The following AOX1 variants were observed in gnomAD, a reference collection of about 807,000 sequenced individuals.
AOX1 encodes the protein aldehyde oxidase.
AOX1 carries 153 observed loss-of-function variants against 169.5 expected under a neutral mutation model. That is an observed-to-expected ratio of 0.90 (90% CI 0.79 to 1.03). The LOEUF (loss-of-function observed/expected upper bound fraction) is 1.03. Ranked by LOEUF, AOX1 falls within the 50% of genes least tolerant of loss-of-function variation. AOX1 has a pLI of 0.00. For synonymous variants in AOX1, 562 were observed against 581.9 expected, an observed-to-expected ratio of 0.97 and a Z score of 0.49; for missense variants, 1,656 against 1,663.9, an observed-to-expected ratio of 1.00 and a Z score of 0.08.
intron 25 of AOX1, among the ~76,000 whole-genome samples, chr2:200,650,053 A>G (rs1180956218): frequency 1.3e-5 from 2 of 152,094 alleles, no homozygotes; most frequent in African/African-American, 2.4e-5. Context: ...CAATTCATCT[A>G]CCAGCTTTCA....
chr2:200,664,896 G>C (rs1360936123), intron 31 of AOX1, among the ~76,000 whole-genome samples: 1 of 152,200 alleles, frequency 6.6e-6, no homozygotes, highest in South Asian at 2.1e-4. Flanking sequence ...TGAGGGGCTG[G>C]CCTCCGGGAG....
intron 19 of AOX1, among the ~76,000 whole-genome samples, chr2:200,626,601 A>G (rs2035011088): frequency 6.6e-6 from 1 of 152,230 alleles, no homozygotes; most frequent in African/African-American, 2.4e-5. Context: ...AGGGAGAGCC[A>G]ATAGGAGCTA....
chr2:200,602,497 C>G, intron 6 of AOX1, 152 bp downstream of exon 6: 1 of 699,088 alleles, frequency 1.4e-6, no homozygotes, highest in Non-Finnish European at 2.4e-6. Flanking sequence ...TGATCTTGAG[C>G]AGGGCACTTA....
intron 29 of AOX1, among the ~76,000 whole-genome samples, chr2:200,661,142 CAAAT>C (rs2035811144): frequency 6.6e-6 from 1 of 152,136 alleles, no homozygotes; most frequent in South Asian, 2.1e-4. Context: ...TCACCTGAAA[CAAAT>C]GTGTCCAGAA....
chr2:200,659,904 T>G (rs1402966336), intron 28 of AOX1, 91 bp from the exon 29 acceptor site: 1 of 994,750 alleles, frequency 1.0e-6, no homozygotes, highest in African/African-American at 1.6e-5. Context: ...CCCTCTTAGA[T>G]AAGCCTATGG....
In AOX1 at chr2:200,641,200, A is replaced by T; in HGVS notation, c.2655+16A>T. The stretch of plus-strand genomic sequence containing the variant: ...ATCATTATTCGTAAGTGTTTTAAGG[A>T]GCAAGTTCACATTCCTGAAAAGAGT... On this transcript the variant is annotated intron_variant, in intron 24 of 34. Transcript: ENST00000374700. 1 of 1,540,720 alleles carries T rather than the reference A, an allele frequency of 6.5e-7. No individual in the cohort carries two copies. The highest frequency in any genetic ancestry group is 9.0e-7 in the Non-Finnish European group (1 of 1,114,214).
intron 23 of AOX1, among the ~76,000 whole-genome samples, chr2:200,638,928 G>A (rs1202668087): frequency 6.6e-6 from 1 of 152,016 alleles, no homozygotes. Flanking sequence ...ATTGAGGGGG[G>A]AAAGGGGAGG....
intron 20 of AOX1, among the ~76,000 whole-genome samples, chr2:200,633,588 A>AT (rs2035171889): frequency 6.6e-6 from 1 of 151,318 alleles, no homozygotes; most frequent in African/African-American, 2.4e-5. Flanking sequence ...TGAGGTTTCT[A>AT]TTTTTTCATT....
chr2:200,597,503 C>T lies in AOX1; in HGVS notation c.307C>T (p.Gln103Ter), dbSNP rs1274954658. ...CACCCACACCAGAATTCATCCTGTT[C>T]AGGTGAGGATGTGCCTCTTCCTTAT... ...GSTHTRIHPV[Q>*]ERIAKCHGTQ... Residue 103 changes from glutamine to a stop codon, truncating the protein, a stop_gained and splice_region_variant, in exon 4 of 35, where the codon CAG becomes TAG. Coordinates refer to ENST00000374700, the MANE Select transcript of AOX1 (RefSeq NM_001159.4). LOFTEE classifies it high-confidence loss of function. The T allele has an allele frequency of 3.7e-6, 6 of 1,606,382 alleles. No individual in the cohort carries two copies. The South Asian group carries it at 6.7e-5, about 18-fold the overall frequency.
chr2:200,663,085 G>A (rs1004967879), intron 31 of AOX1, 116 bp downstream of exon 31: 1 of 734,158 alleles, frequency 1.4e-6, no homozygotes, highest in Non-Finnish European at 2.3e-6. Flanking sequence ...TGGCCTAAGG[G>A]TGATTTCCCT....
chr2:200,657,684 T>C (rs947085009), intron 27 of AOX1, among the ~76,000 whole-genome samples: 1 of 152,204 alleles, frequency 6.6e-6, no homozygotes, highest in Admixed American at 6.5e-5. Flanking sequence ...TCACCTTTGA[T>C]ATTTACAGTC....
chr2:200,613,856 G>A lies in AOX1; in HGVS notation c.1501G>A (p.Val501Ile). The change falls in exon 15 of 35, where the codon GTC (valine) becomes ATC (isoleucine). Residue 501 changes from valine (V) to isoleucine (I), a missense_variant. Transcript: ENST00000374700. ...AGCCTGCAGGCTTATTCTGAATGAA[G>A]TCTCCCTTTTGGGCTCGGCGCCAGG... ...DIACRLILNEVSLLGSAPGGK... is the reference protein window; with the variant it reads ...DIACRLILNEISLLGSAPGGK... 6.2e-7 allele frequency: 1 copy of A among 1,612,762 alleles called. No homozygotes were observed. The highest frequency in any genetic ancestry group is 8.5e-7 in the Non-Finnish European group (1 of 1,179,962).
At chr2:200,649,100 A>T (rs1391877784) in intron 25 of AOX1, among the ~76,000 whole-genome samples, 1 of 152,110 alleles carries the variant, frequency 6.6e-6, no homozygotes, top group East Asian at 1.9e-4. Context: ...AGCTCTGACC[A>T]GGAGGCTTCT....
chr2:200,624,118 C>A, intron 19 of AOX1, 135 bp downstream of exon 19: 1 of 1,035,604 alleles, frequency 9.7e-7, no homozygotes, highest in Non-Finnish European at 1.4e-6. Context: ...AACCTCTAAC[C>A]AGTCTCAGTA....
intron 5 of AOX1, among the ~76,000 whole-genome samples, chr2:200,600,438 C>T (rs148137549): frequency 1.3e-4 from 20 of 151,360 alleles, no homozygotes; most frequent in African/African-American, 4.6e-4. Context: ...CACCCTAGAG[C>T]GTTTTTGTCA....
At chr2:200,586,192 G>T (rs1451354074) in intron 1 of AOX1, 39 bp downstream of exon 1, 2 of 1,533,248 alleles carry the variant, frequency 1.3e-6, no homozygotes, top group Non-Finnish European at 1.8e-6. Context: ...CAGACCTGCG[G>T]CCAGGGCCGG....
Position 200,671,300 on chromosome 2 carries a change from G to C in AOX1, c.*621G>C, listed in dbSNP as rs1174514375. The C allele has an allele frequency of 2.0e-5, 3 of 152,140 alleles. No homozygotes were observed. The highest frequency in any genetic ancestry group is 7.2e-5 in the African/African-American group (3 of 41,430). 9.4% of individuals were successfully genotyped at this position (152,140 alleles called of 1,614,324 possible). On this transcript the variant is annotated 3_prime_UTR_variant, in exon 35 of 35. Coordinates refer to ENST00000374700, the MANE Select transcript of AOX1 (RefSeq NM_001159.4). ...ATATTTGATAAAAGTCTTGTAACCA[G>C]ATACATAAAGAGCTCTTACAACTCA...
chr2:200,604,709 AACAGTC>A lies in AOX1; in HGVS notation c.684_689del (p.Ser230_Gln231del). On this transcript the variant is annotated inframe_deletion, in exon 9 of 35. Transcript: ENST00000374700. ...CTTTTTCAATAGATAATGGCTGAGAAACAGTCGCAAAGGACCAGGGTGTTTGGCAGT... is the reference window on the plus strand; with the variant it reads ...CTTTTTCAATAGATAATGGCTGAGAAGCAAAGGACCAGGGTGTTTGGCAGT... 5.6e-6 allele frequency: 9 copies of A among 1,614,122 alleles called. No individual in the cohort carries two copies. The highest frequency in any genetic ancestry group is 7.6e-6 in the Non-Finnish European group (9 of 1,180,004).
At chr2:200,618,710 C>T (rs1257174135) in intron 16 of AOX1, among the ~76,000 whole-genome samples, 1 of 152,062 alleles carries the variant, frequency 6.6e-6, no homozygotes, top group African/African-American at 2.4e-5. Flanking sequence ...GTGGGGAGCA[C>T]TCTTCTCGAG....
Sources: gnomAD v4.1 joint callset for allele counts (sites outside exome capture counted in the v4.1 genomes callset) on GRCh38, gnomAD v4.1.1 for gene constraint, MANE v1.5 for transcripts, NCBI Gene and HGNC (gene_info 2026-07-23, HGNC 2026-07-21) for gene names.